FAM227B: variants seen among roughly 807,000 people sequenced by gnomAD.
FAM227B encodes protein FAM227B.
In FAM227B, 88 loss-of-function variants were observed where a neutral mutation model predicts 73.8. The observed-to-expected ratio is 1.19, with a 90% CI of 1.00 to 1.42. The LOEUF is 1.42. Ranked by LOEUF, FAM227B falls within the 40% of genes most tolerant of loss-of-function variation. The pLI is 0.00. For synonymous variants in FAM227B, 210 were observed against 190.5 expected (o/e 1.10, Z -0.84); for missense variants, 632 against 590.9 (o/e 1.07, Z -0.72).
chr15:49,593,454 A>G (rs2152417034), intron 3 of FAM227B, among the ~76,000 whole-genome samples: 1 of 151,718 alleles, frequency 6.6e-6, no homozygotes, highest in South Asian at 2.1e-4. Context: ...TTATTTTTTA[A>G]TTTCAATAGT....
intron 11 of FAM227B, among the ~76,000 whole-genome samples, chr15:49,477,207 T>A (rs1431246099): frequency 2.0e-5 from 3 of 152,240 alleles, no homozygotes; most frequent in Non-Finnish European, 4.4e-5. Flanking sequence ...CATCAGTTTA[T>A]ACTAAGGTCC....
chr15:49,354,633 C>A (rs2042802473), intron 13 of FAM227B, among the ~76,000 whole-genome samples: 1 of 152,194 alleles, frequency 6.6e-6, no homozygotes, highest in Non-Finnish European at 1.5e-5. Flanking sequence ...GCACAGCAGT[C>A]TGAGATCAAA....
chr15:49,346,282 CA>C (rs1307500724), intron 13 of FAM227B, among the ~76,000 whole-genome samples: 2 of 152,122 alleles, frequency 1.3e-5, no homozygotes, highest in African/African-American at 4.8e-5. Flanking sequence ...CATGGAGGGC[CA>C]AAAACTCTAC....
Position 49,331,913 on chromosome 15 carries a change from T to C in FAM227B, c.1350-64A>G, listed in dbSNP as rs923135221. On this transcript the variant is annotated intron_variant, in intron 14 of 15. Coordinates refer to ENST00000299338, the MANE Select transcript of FAM227B (RefSeq NM_152647.3). ...TGTCCTTATATTGACACCATCTAAA[T>C]AGCCAACATTTATTAAGAATTTAAT... 7 of 900,730 alleles carry C rather than the reference T, an allele frequency of 7.8e-6. No individual in the cohort carries two copies. In the African/African-American group the frequency reaches 9.9e-5, roughly 13 times the overall value. 55.8% of individuals were successfully genotyped at this position (900,730 alleles called of 1,614,324 possible). A position where few individuals can be genotyped will look rare whatever the true frequency, so the allele number is the denominator to read the frequency against.
At chr15:49,617,730 G>T (rs1239390370) in intron 1 of FAM227B, among the ~76,000 whole-genome samples, 1 of 151,960 alleles carries the variant, frequency 6.6e-6, no homozygotes, top group African/African-American at 2.4e-5. Context: ...AGGTCTAGAG[G>T]TCGGGAATCT....
chr15:49,442,589 T>C (rs561738644), intron 11 of FAM227B, among the ~76,000 whole-genome samples: 117 of 151,764 alleles, frequency 7.7e-4, no homozygotes, highest in Non-Finnish European at 1.5e-3. Context: ...TATCCCTCAC[T>C]CCCATCTCAG....
Position 49,367,461 on chromosome 15 carries a change from T to C in FAM227B, c.1258A>G (p.Ile420Val), listed in dbSNP as rs760640496. ...PKKTKIKLTK[I>V]FQEPLPAPTY... is the part of the protein sequence containing the mutation. ...TAAAAAGGATATGGTTCCTGGAATA[T>C]CTTAGTGAGTTTAATCTTGGTTTTC... Residue 420 changes from isoleucine (I) to valine (V), a missense_variant, in exon 13 of 16, where the codon ATA (isoleucine) becomes GTA (valine). Physicochemically the swap from Ile to Val is conservative, Grantham distance 29. Coordinates refer to ENST00000299338, the MANE Select transcript of FAM227B (RefSeq NM_152647.3). The C allele has an allele frequency of 1.9e-6, 3 of 1,588,258 alleles. No individual in the cohort carries two copies. The Admixed American group carries it at 5.9e-5, about 31-fold the overall frequency.
At chr15:49,383,232 C>A (rs1259233310) in intron 11 of FAM227B, among the ~76,000 whole-genome samples, 1 of 152,112 alleles carries the variant, frequency 6.6e-6, no homozygotes, top group African/African-American at 2.4e-5. Flanking sequence ...AATATACAGG[C>A]ATATCTTGTT....
intron 11 of FAM227B, among the ~76,000 whole-genome samples, chr15:49,396,801 G>A (rs1444174093): frequency 6.6e-6 from 1 of 150,932 alleles, no homozygotes; most frequent in Non-Finnish European, 1.5e-5. Context: ...CTGTTAGAAG[G>A]AAAACTAACA....
intron 5 of FAM227B, among the ~76,000 whole-genome samples, chr15:49,585,749 G>A (rs535985785): frequency 1.3e-5 from 2 of 152,042 alleles, no homozygotes; most frequent in African/African-American, 2.4e-5. Context: ...GCTAAATGAC[G>A]AGTTAATGTG....
intron 10 of FAM227B, 122 bp from the exon 11 acceptor site, chr15:49,508,470 TG>T: frequency 1.2e-6 from 1 of 832,438 alleles, no homozygotes; most frequent in Non-Finnish European, 1.8e-6. Flanking sequence ...GTTCCTTTTT[TG>T]TTCCTTTTAA....
intron 11 of FAM227B, chr15:49,396,153 C>T (rs369670750): frequency 4.5e-5 from 16 of 358,900 alleles, no homozygotes; most frequent in African/African-American, 2.4e-4. Flanking sequence ...CGTGTGCGAG[C>T]CGAAGCAGGG....
At chr15:49,542,115 T>C (rs2071154160) in intron 9 of FAM227B, among the ~76,000 whole-genome samples, 1 of 152,206 alleles carries the variant, frequency 6.6e-6, no homozygotes. Flanking sequence ...AAACTAGTTT[T>C]ACATTTATTT....
At chr15:49,364,066 C>T (rs2044708416) in intron 13 of FAM227B, among the ~76,000 whole-genome samples, 2 of 152,044 alleles carry the variant, frequency 1.3e-5, no homozygotes, top group Non-Finnish European at 1.5e-5. Context: ...GAATATTGGC[C>T]AGATGTTTTC....
chr15:49,590,208 AT>A (rs2076442294), intron 3 of FAM227B, among the ~76,000 whole-genome samples: 1 of 152,218 alleles, frequency 6.6e-6, no homozygotes, highest in African/African-American at 2.4e-5. Context: ...TCATTTGAGA[AT>A]AATTTGCTTA....
At chr15:49,339,692 T>C (rs969876549) in intron 13 of FAM227B, among the ~76,000 whole-genome samples, 2 of 152,208 alleles carry the variant, frequency 1.3e-5, no homozygotes, top group African/African-American at 4.8e-5. Flanking sequence ...CTGCCAAGTA[T>C]GGACGTTTAA....
chr15:49,615,682 T>C (rs1459645841), intron 1 of FAM227B, among the ~76,000 whole-genome samples: 2 of 152,162 alleles, frequency 1.3e-5, no homozygotes, highest in Non-Finnish European at 2.9e-5. Flanking sequence ...TTCTTTTCTT[T>C]AAAATTACCC....
At chr15:49,534,197 G>T (rs2060834035) in intron 10 of FAM227B, among the ~76,000 whole-genome samples, 1 of 151,738 alleles carries the variant, frequency 6.6e-6, no homozygotes, top group South Asian at 2.1e-4. Context: ...AAGATCAAGA[G>T]CAGGTCACCT....
intron 10 of FAM227B, among the ~76,000 whole-genome samples, chr15:49,527,263 A>T (rs1464584857): frequency 6.6e-6 from 1 of 152,042 alleles, no homozygotes; most frequent in East Asian, 1.9e-4. Flanking sequence ...GATATATTAT[A>T]TAAACAGAAT....
Sources: gnomAD v4.1 joint callset for allele counts (sites outside exome capture counted in the v4.1 genomes callset) on GRCh38, gnomAD v4.1.1 for gene constraint, MANE v1.5 for transcripts, NCBI Gene and HGNC (gene_info 2026-07-23, HGNC 2026-07-21) for gene names.